Variants in SLC7A14 observed in about 807,000 individuals in gnomAD.
SLC7A14 encodes the protein gamma-aminobutyric acid transporter SLC7A14.
Under a neutral mutation model 60.2 loss-of-function variants are expected in SLC7A14, and 37 were observed. The ratio of observed to expected loss-of-function variants is 0.61; its 90% CI spans 0.47 to 0.81. The LOEUF (loss-of-function observed/expected upper bound fraction) is 0.81. Among genes scored for constraint, SLC7A14 ranks in the 30% least tolerant of loss-of-function variants. The pLI, the probability that SLC7A14 is intolerant of heterozygous loss-of-function variation, is 0.00. For synonymous variants in SLC7A14, 399 were observed against 395.8 expected (o/e 1.01, Z -0.10); for missense variants, 886 against 982.7 (o/e 0.90, Z 1.32).
intron 4 of SLC7A14, 146 bp from the exon 5 acceptor site, chr3:170,486,514 G>C: frequency 1.1e-6 from 1 of 947,794 alleles, no homozygotes; most frequent in Non-Finnish European, 1.6e-6. Flanking sequence ...AAACACGCAG[G>C]TTCTGATCTC....
chr3:170,575,346 T>C (rs1715061107), intron 1 of SLC7A14, among the ~76,000 whole-genome samples: 1 of 152,214 alleles, frequency 6.6e-6, no homozygotes, highest in Admixed American at 6.5e-5. Context: ...TGTGACTCCA[T>C]AATCTCTGGC....
At chr3:170,515,239 G>C (rs552367231) in intron 2 of SLC7A14, among the ~76,000 whole-genome samples, 305 of 151,830 alleles carry the variant, frequency 2.0e-3, no homozygotes, top group African/African-American at 7.0e-3. Context: ...CTGGAACCTG[G>C]GAGGCAGAGG....
rs1713712939 is a variant in SLC7A14, at chr3:170,532,654, G to A, written c.-152-5566C>T. Among the ~76,000 whole-genome samples, 1 of 151,896 alleles carries A rather than the reference G, an allele frequency of 6.6e-6. No homozygotes were observed. Among genetic ancestry groups the A allele is most frequent in the Non-Finnish European group, 1.5e-5 (1 of 68,016 alleles). Reference sequence around the variant, plus strand: ...GAGCGTTAGCTAGCATCACCCTGCTGTGGCCCCTGACCAGGTGTTTTTTTT... The same window carrying A: ...GAGCGTTAGCTAGCATCACCCTGCTATGGCCCCTGACCAGGTGTTTTTTTT... On this transcript the variant is annotated intron_variant, in intron 1 of 7. Coordinates refer to ENST00000231706, the MANE Select transcript of SLC7A14 (RefSeq NM_020949.3). The surrounding 1 kb of genome is among the most constrained non-coding windows in gnomAD (Gnocchi z 4.0).
chr3:170,543,651 AAAAAAC>A (rs1159899615), intron 1 of SLC7A14, among the ~76,000 whole-genome samples: 48 of 152,088 alleles, frequency 3.2e-4, no homozygotes, highest in Admixed American at 1.2e-3. Context: ...CTCAAAAGAA[AAAAAAC>A]AAAAACAAAA....
Position 170,480,401 on chromosome 3 carries a change from G to A in SLC7A14, c.1881C>T (p.Tyr627=), listed in dbSNP as rs1194521847. The change falls in exon 7 of 8, where the codon TAC becomes TAT. Residue 627 remains tyrosine (Y), a synonymous_variant. Transcript: ENST00000231706. ...QQPENPKKLP[Y]MAPCLPFVPA... is the part of the protein sequence containing the mutation. ...GCACAAAGGGGAGGCAAGGGGCCAT[G>A]TAGGGCAGCTTCTTGGGGTTCTCTG... is the stretch of plus-strand genomic sequence containing the variant. The A allele has an allele frequency of 6.2e-7, 1 of 1,613,212 alleles. No individual in the cohort carries two copies. Among genetic ancestry groups the A allele is most frequent in the South Asian group, 1.1e-5 (1 of 90,950 alleles).
intron 7 of SLC7A14, 122 bp from the exon 8 acceptor site, chr3:170,467,499 G>GGGGC: frequency 1.9e-6 from 1 of 523,074 alleles, no homozygotes; most frequent in Non-Finnish European, 3.1e-6. Flanking sequence ...TGGGGGCGGG[G>GGGGC]ATGTATTTTC....
chr3:170,546,145 A>C (rs1714174642), intron 1 of SLC7A14, among the ~76,000 whole-genome samples: 1 of 152,202 alleles, frequency 6.6e-6, no homozygotes, highest in South Asian at 2.1e-4. Context: ...TCTAATCACA[A>C]ATGGTGATCT....
intron 1 of SLC7A14, among the ~76,000 whole-genome samples, chr3:170,538,958 T>C (rs1713931406): frequency 6.6e-6 from 1 of 152,260 alleles, no homozygotes; most frequent in Non-Finnish European, 1.5e-5. Context: ...TGGAGCCTCC[T>C]CTTCTCTGAT....
chr3:170,577,624 CAAAA>C (rs56357954), intron 1 of SLC7A14, among the ~76,000 whole-genome samples: 1,759 of 51,930 alleles, frequency 0.034, 28 homozygotes, highest in African/African-American at 0.1. Flanking sequence ...GACTCCGTCT[CAAAA>C]AAAAAAAAAA....
chr3:170,516,057 T>C (rs1713147743), intron 2 of SLC7A14, among the ~76,000 whole-genome samples: 1 of 152,152 alleles, frequency 6.6e-6, no homozygotes, highest in South Asian at 2.1e-4. Flanking sequence ...CTGCAGAAGA[T>C]GTAAAAGAAG....
intron 7 of SLC7A14, among the ~76,000 whole-genome samples, chr3:170,470,123 T>C (rs921714749): frequency 8.5e-5 from 13 of 152,192 alleles, no homozygotes; most frequent in African/African-American, 2.9e-4. Flanking sequence ...AATAAGTGAC[T>C]TGCCTGGGTC....
At chr3:170,572,837 C>A (rs1484123009) in intron 1 of SLC7A14, among the ~76,000 whole-genome samples, 1 of 152,184 alleles carries the variant, frequency 6.6e-6, no homozygotes, top group Admixed American at 6.5e-5. Flanking sequence ...GTCTTTGTGA[C>A]TAGGACAGAC....
chr3:170,565,899 T>A (rs1714775088), intron 1 of SLC7A14, among the ~76,000 whole-genome samples: 1 of 152,012 alleles, frequency 6.6e-6, no homozygotes, highest in African/African-American at 2.4e-5. Flanking sequence ...AAAAATAAAG[T>A]GGGGAAAGCA....
At chr3:170,502,518 AG>A (rs953507076) in intron 2 of SLC7A14, among the ~76,000 whole-genome samples, 1 of 152,260 alleles carries the variant, frequency 6.6e-6, no homozygotes, top group Non-Finnish European at 1.5e-5. Flanking sequence ...AACGAGTTGG[AG>A]GTCAGACATA....
At chr3:170,522,179 A>G (rs1163182091) in intron 2 of SLC7A14, among the ~76,000 whole-genome samples, 1 of 152,240 alleles carries the variant, frequency 6.6e-6, no homozygotes, top group Non-Finnish European at 1.5e-5. Context: ...GAACTTTCAC[A>G]TATTCCTGTG....
At position 170,585,994 on chromosome 3, in the gene SLC7A14, G is replaced by C. The variant is rs1440488745; in HGVS notation, c.-236C>G. The stretch of plus-strand genomic sequence containing the variant: ...CTTACTGCGCGGAGCTGTCTCTCTA[G>C]CTGGGATGGGAAGTGGTGGTGGCGG... On this transcript the variant is annotated 5_prime_UTR_variant, in exon 1 of 8. Coordinates refer to ENST00000231706, the MANE Select transcript of SLC7A14 (RefSeq NM_020949.3). The surrounding 1 kb of genome is among the most constrained non-coding windows in gnomAD (Gnocchi z 5.1). 1.3e-5 allele frequency: 2 copies of C among 153,266 alleles called. No individual in the cohort carries two copies. Among genetic ancestry groups the C allele is most frequent in the African/African-American group, 4.8e-5 (2 of 41,464 alleles). The allele number at this position is 153,266 out of a possible 1,614,324, so 9.5% of individuals were successfully genotyped here. A position where few individuals can be genotyped will look rare whatever the true frequency, so the allele number is the denominator to read the frequency against.
intron 4 of SLC7A14, chr3:170,496,261 A>G: frequency 1.0e-6 from 1 of 958,866 alleles, no homozygotes; most frequent in African/African-American, 1.6e-5. Context: ...AGCTGGGCTG[A>G]GGCTGAGAGC....
intron 1 of SLC7A14, among the ~76,000 whole-genome samples, chr3:170,563,027 G>T (rs898010826): frequency 1.3e-5 from 2 of 152,154 alleles, no homozygotes; most frequent in South Asian, 2.1e-4. Flanking sequence ...TTCCCAAAGT[G>T]CTGGGATTAC....
chr3:170,552,919 C>T (rs928803892), intron 1 of SLC7A14, among the ~76,000 whole-genome samples: 1 of 152,172 alleles, frequency 6.6e-6, no homozygotes, highest in African/African-American at 2.4e-5. Flanking sequence ...TACATTCCAC[C>T]TAGCCTGTGA....
Sources: gnomAD v4.1 joint callset for allele counts (sites outside exome capture counted in the v4.1 genomes callset) on GRCh38, gnomAD v4.1.1 for gene constraint, Gnocchi (gnomAD v3.1) non-coding constraint, MANE v1.5 for transcripts, NCBI Gene and HGNC (gene_info 2026-07-23, HGNC 2026-07-21) for gene names.